Variants in IFT140 observed in about 807,000 individuals in gnomAD.
IFT140 encodes the protein intraflagellar transport protein 140 homolog.
A neutral mutation model predicts 164.6 loss-of-function variants in IFT140; 133 were observed. The ratio of observed to expected loss-of-function variants is 0.81; its 90% confidence interval spans 0.70 to 0.93. The LOEUF is 0.93. IFT140 is among the 40% of genes least tolerant of loss of function. The pLI is 0.00. For synonymous variants in IFT140, 860 were observed against 817.3 expected, an observed-to-expected ratio of 1.05 and a Z score of -0.89; for missense variants, 2,045 against 1,972.3, an observed-to-expected ratio of 1.04 and a Z score of -0.70.
At chr16:1,569,898 TAATA>T (rs2033932821) in intron 14 of IFT140, among the ~76,000 whole-genome samples, 1 of 151,150 alleles carries the variant, frequency 6.6e-6, no homozygotes, top group Non-Finnish European at 1.5e-5. Flanking sequence ...AAAAAAAAAA[TAATA>T]AATAAATAAA....
chr16:1,515,332 C>T (rs2040305952), intron 30 of IFT140, among the ~76,000 whole-genome samples: 1 of 152,136 alleles, frequency 6.6e-6, no homozygotes, highest in Non-Finnish European at 1.5e-5. Flanking sequence ...ACAGACAGCC[C>T]ATAGCTGACT....
At chr16:1,569,256 C>T (rs2033894405) in intron 14 of IFT140, among the ~76,000 whole-genome samples, 1 of 152,296 alleles carries the variant, frequency 6.6e-6, no homozygotes, top group South Asian at 2.1e-4. Flanking sequence ...GATCCGCCCG[C>T]CTCAGCCTCC....
chr16:1,528,349 GCACGCACGTGTGCACACACACGC>G (rs1567333667), intron 19 of IFT140, among the ~76,000 whole-genome samples: 16 of 130,028 alleles, frequency 1.2e-4, no homozygotes, highest in Non-Finnish European at 2.0e-4. Context: ...ACACACGCAT[GCACGCACGTGTGCACACACACGC>G]ATGCACGCAC....
intron 19 of IFT140, among the ~76,000 whole-genome samples, chr16:1,547,146 T>G (rs546795825): frequency 6.0e-4 from 92 of 152,336 alleles, no homozygotes; most frequent in South Asian, 2.5e-3. Flanking sequence ...CCCCATTACC[T>G]TGTAATTTGT....
At chr16:1,597,151 G>A (rs560563451) in intron 4 of IFT140, among the ~76,000 whole-genome samples, 2 of 152,166 alleles carry the variant, frequency 1.3e-5, no homozygotes, top group African/African-American at 2.4e-5. Context: ...CCACATCAGG[G>A]TGCGCGTCAG....
rs1005586143 is a variant in IFT140 at position 1,531,445 on chromosome 16, C to T, written c.2400-4649G>A. On this transcript the variant is annotated intron_variant, in intron 19 of 30. Coordinates refer to ENST00000426508, the MANE Select transcript of IFT140 (RefSeq NM_014714.4). The surrounding 1 kb of genome is among the most constrained non-coding windows in gnomAD (Gnocchi z 4.7). ...TGTCCCTGTTCTGTGCTAGGGCTCC[C>T]GCTCTGCTGGGTATATGGGAGCCGC... The T allele has an allele frequency of 1.3e-5, 2 of 152,256 alleles. No individual in the cohort carries two copies. The highest frequency in any genetic ancestry group is 2.9e-5 in the Non-Finnish European group (2 of 68,074). The allele number at this position is 152,256 out of a possible 1,614,324, so 9.4% of individuals were successfully genotyped here.
chr16:1,590,000 C>T (rs911038296), intron 6 of IFT140, among the ~76,000 whole-genome samples: 1 of 152,118 alleles, frequency 6.6e-6, no homozygotes, highest in Non-Finnish European at 1.5e-5. Context: ...ATTTCAAGAC[C>T]AGCCTGGCCA....
intron 4 of IFT140, among the ~76,000 whole-genome samples, chr16:1,601,571 C>T (rs776749613): frequency 3.9e-5 from 6 of 152,170 alleles, no homozygotes; most frequent in Non-Finnish European, 8.8e-5. Flanking sequence ...GGAAAGCAGA[C>T]CTGGCAGTGG....
chr16:1,520,003 C>T lies in IFT140; in HGVS notation c.3918G>A (p.Ala1306=), dbSNP rs767354864. The T allele has an allele frequency of 7.5e-6, 12 of 1,603,280 alleles. No individual in the cohort carries two copies. The East Asian group carries it at 8.9e-5, about 12-fold the overall frequency. The change falls in exon 29 of 31, where the codon GCG becomes GCA. Residue 1306 remains alanine, a synonymous_variant. Coordinates refer to ENST00000426508, the MANE Select transcript of IFT140 (RefSeq NM_014714.4). The stretch of plus-strand genomic sequence containing the variant: ...CCAGGCACTTGTAGGCCTCGGTCAG[C>T]GCCCCGTGGGCTTTGTCGTAGTTCT... The part of the protein sequence containing the change: ...EYQNYDKAHG[A]LTEAYKCLAK...
At chr16:1,582,400 G>C (rs1044179217) in intron 12 of IFT140, among the ~76,000 whole-genome samples, 1 of 152,210 alleles carries the variant, frequency 6.6e-6, no homozygotes, top group Admixed American at 6.5e-5. Flanking sequence ...AGCTGAAACG[G>C]GTTCTCCCCT....
chr16:1,540,295 G>A (rs541474327), intron 19 of IFT140, among the ~76,000 whole-genome samples: 6 of 152,360 alleles, frequency 3.9e-5, no homozygotes, highest in South Asian at 2.1e-4. Context: ...AGGTTGAACC[G>A]TGTGGAATTG....
chr16:1,577,416 G>A (rs1008906890), intron 13 of IFT140: 1 of 152,098 alleles, frequency 6.6e-6, no homozygotes, highest in Non-Finnish European at 1.5e-5. Flanking sequence ...TGTGTTAATC[G>A]ACTGTTCATG....
At chr16:1,601,237 C>T (rs567793149) in intron 4 of IFT140, among the ~76,000 whole-genome samples, 2 of 149,242 alleles carry the variant, frequency 1.3e-5, no homozygotes, top group East Asian at 3.9e-4. Context: ...GCACTCTAGC[C>T]TGGGCGACAG....
chr16:1,583,436 C>G (rs775908600), intron 11 of IFT140, 50 bp from the exon 12 acceptor site: 2 of 1,464,696 alleles, frequency 1.4e-6, no homozygotes, highest in African/African-American at 1.4e-5. Flanking sequence ...AAGTGAGGTG[C>G]AACTGTACAC....
intron 13 of IFT140, among the ~76,000 whole-genome samples, chr16:1,571,743 C>G (rs946365982): frequency 6.6e-6 from 1 of 152,158 alleles, no homozygotes; most frequent in Non-Finnish European, 1.5e-5. Context: ...TCTAGTGCTG[C>G]GGGGGAAGGA....
At chr16:1,527,574 G>A (rs961634082) in intron 19 of IFT140, among the ~76,000 whole-genome samples, 1 of 152,158 alleles carries the variant, frequency 6.6e-6, no homozygotes, top group Non-Finnish European at 1.5e-5. Flanking sequence ...TGCCTCTTAG[G>A]GTTTTTTTGT....
In IFT140 at chr16:1,564,087, C is replaced by T. The variant is rs1165625635; in HGVS notation, c.1977G>A (p.Arg659=). Residue 659 remains arginine, a synonymous_variant, in exon 17 of 31, where the codon CGG becomes CGA. Transcript: ENST00000426508. This position sits in a 1 kb window ranked among gnomAD's most constrained non-coding sequence, Gnocchi z 5.5. ...CCTGCACGGCTTCGCATACAAACAG[C>T]CGGGGCTCACTCTGGTCCCAGAAGT... The part of the protein sequence containing the change: ...VNHFWDQSEP[R]LFVCEAVQET... The T allele has an allele frequency of 3.1e-6, 5 of 1,604,434 alleles. No individual in the cohort carries two copies. The highest frequency in any genetic ancestry group is 4.3e-6 in the Non-Finnish European group (5 of 1,172,498).
chr16:1,537,703 C>T (rs1040702338), intron 19 of IFT140, among the ~76,000 whole-genome samples: 15 of 152,242 alleles, frequency 9.9e-5, no homozygotes, highest in African/African-American at 3.1e-4. Context: ...TGGATATTTA[C>T]GTCATCTCTC....
intron 13 of IFT140, among the ~76,000 whole-genome samples, chr16:1,578,878 AT>A (rs113513135): frequency 1.3e-5 from 2 of 151,498 alleles, no homozygotes; most frequent in African/African-American, 4.9e-5. Context: ...CACTCAGCCA[AT>A]TTTTTTTTGT....
Sources: allele counts gnomAD v4.1 joint callset (sites outside exome capture counted in the v4.1 genomes callset), GRCh38; gene constraint gnomAD v4.1.1; non-coding constraint Gnocchi (gnomAD v3.1); transcripts MANE v1.5; gene names NCBI Gene and HGNC (gene_info 2026-07-23, HGNC 2026-07-21).